Variants in CDH8 observed in about 807,000 individuals in gnomAD.
The protein encoded by CDH8 is cadherin 8, also known as cadherin-8.
CDH8 carries 17 observed loss-of-function variants against 68.1 expected under a neutral mutation model. The ratio of observed to expected loss-of-function variants is 0.25; its 90% CI spans 0.17 to 0.37. The LOEUF (loss-of-function observed/expected upper bound fraction) is 0.37. Ranked by LOEUF, CDH8 falls within the 10% of genes least tolerant of loss-of-function variation. The pLI, the probability that CDH8 is intolerant of heterozygous loss-of-function variation, is 1.00. For missense variants in CDH8, 763 were observed against 999.3 expected, an observed-to-expected ratio of 0.76 and a Z score of 3.19; for synonymous variants, 372 against 365.1, an observed-to-expected ratio of 1.02 and a Z score of -0.21.
chr16:61,919,685 C>G (rs1190985260), intron 2 of CDH8, among the ~76,000 whole-genome samples: 1 of 151,884 alleles, frequency 6.6e-6, no homozygotes, highest in Non-Finnish European at 1.5e-5. Context: ...AAATCTACAT[C>G]TGATTGGTGT....
At chr16:61,845,694 C>T (rs988292624) in intron 4 of CDH8, among the ~76,000 whole-genome samples, 1 of 152,020 alleles carries the variant, frequency 6.6e-6, no homozygotes, top group African/African-American at 2.4e-5. Context: ...GCAAATTACA[C>T]ATAATCACAA....
At chr16:61,795,280 G>A (rs1280016471) in intron 7 of CDH8, among the ~76,000 whole-genome samples, 1 of 151,936 alleles carries the variant, frequency 6.6e-6, no homozygotes, top group African/African-American at 2.4e-5. Context: ...CATGATTTGA[G>A]GTAGAAATCT....
intron 4 of CDH8, among the ~76,000 whole-genome samples, chr16:61,850,814 C>A (rs1962923299): frequency 6.6e-6 from 1 of 152,006 alleles, no homozygotes; most frequent in African/African-American, 2.4e-5. Context: ...GCTCTTCATA[C>A]ATGTTTGCTA....
At chr16:61,789,279 ACGTT>A in intron 8 of CDH8, 63 bp downstream of exon 8, 1 of 1,441,600 alleles carries the variant, frequency 6.9e-7, no homozygotes. Flanking sequence ...GCTGCTTATC[ACGTT>A]ATTAATAAGC....
At chr16:61,789,602 A>G (rs983601060) in intron 7 of CDH8, 120 bp from the exon 8 acceptor site, 1 of 894,354 alleles carries the variant, frequency 1.1e-6, no homozygotes, top group Non-Finnish European at 1.6e-6. Context: ...TGGGAAACTC[A>G]GTGGCATCAT....
chr16:61,907,238 T>A (rs1964076486), intron 2 of CDH8, among the ~76,000 whole-genome samples: 1 of 152,186 alleles, frequency 6.6e-6, no homozygotes, highest in South Asian at 2.1e-4. Flanking sequence ...CCACTCTGCC[T>A]ACCTCTTCCT....
At chr16:61,923,292 CG>C (rs1964402428) in intron 2 of CDH8, among the ~76,000 whole-genome samples, 1 of 152,084 alleles carries the variant, frequency 6.6e-6, no homozygotes, top group Non-Finnish European at 1.5e-5. Flanking sequence ...ATTCCACCGT[CG>C]GTCAGACACT....
intron 8 of CDH8, among the ~76,000 whole-genome samples, chr16:61,759,551 T>A (rs550367399): frequency 6.6e-6 from 1 of 152,248 alleles, no homozygotes; most frequent in Non-Finnish European, 1.5e-5. Flanking sequence ...TGGATACTCA[T>A]CAAGGAACTA....
chr16:61,856,880 G>GA (rs1360501906), intron 4 of CDH8, among the ~76,000 whole-genome samples: 2 of 152,098 alleles, frequency 1.3e-5, no homozygotes, highest in African/African-American at 2.4e-5. Context: ...ATTCCAGGAT[G>GA]AAAAATGGTG....
intron 10 of CDH8, among the ~76,000 whole-genome samples, chr16:61,682,561 A>C (rs1320143392): frequency 6.6e-6 from 1 of 151,892 alleles, no homozygotes; most frequent in Non-Finnish European, 1.5e-5. Context: ...TCCCTCTTAT[A>C]GTATCTCCAA....
intron 2 of CDH8, among the ~76,000 whole-genome samples, chr16:62,008,121 G>T (rs752303788): frequency 6.6e-6 from 1 of 151,918 alleles, no homozygotes; most frequent in Non-Finnish European, 1.5e-5. Flanking sequence ...ATATTTTGTA[G>T]AGCTGGGGTC....
intron 10 of CDH8, among the ~76,000 whole-genome samples, chr16:61,668,703 G>A (rs570725849): frequency 4.7e-5 from 7 of 150,248 alleles, no homozygotes; most frequent in Non-Finnish European, 8.9e-5. Flanking sequence ...AAGGCCTTTA[G>A]TGGAATTTCT....
At chr16:61,852,064 A>G (rs1336054726) in intron 4 of CDH8, among the ~76,000 whole-genome samples, 2 of 152,106 alleles carry the variant, frequency 1.3e-5, no homozygotes, top group Admixed American at 1.3e-4. Context: ...TATTGTGTGG[A>G]AAAAATTAAA....
At chr16:61,902,576 CAA>C (rs74868190) in intron 2 of CDH8, among the ~76,000 whole-genome samples, 22 of 93,064 alleles carry the variant, frequency 2.4e-4, no homozygotes, top group East Asian at 1.6e-3. Flanking sequence ...ATATTTGTTC[CAA>C]AAAAAAAAAA....
chr16:61,832,497 A>G (rs1962482356), intron 4 of CDH8, among the ~76,000 whole-genome samples: 1 of 151,790 alleles, frequency 6.6e-6, no homozygotes, highest in South Asian at 2.1e-4. Context: ...TTCTAAAAAT[A>G]TAACAACCCA....
intron 8 of CDH8, 66 bp from the exon 9 acceptor site, chr16:61,727,281 T>A: frequency 6.7e-7 from 1 of 1,490,830 alleles, no homozygotes; most frequent in Non-Finnish European, 9.1e-7. Flanking sequence ...CTCAACTTTC[T>A]CTTGAAAGCA....
intron 8 of CDH8, among the ~76,000 whole-genome samples, chr16:61,778,269 G>A (rs1046680915): frequency 4.6e-5 from 7 of 152,056 alleles, no homozygotes; most frequent in African/African-American, 1.7e-4. Context: ...ATAGGCAATA[G>A]AGACAGATGG....
chr16:61,789,357 G>C lies in CDH8; in HGVS notation c.1403C>G (p.Ala468Gly), dbSNP rs1961322626. 6.2e-7 allele frequency: 1 copy of C among 1,609,988 alleles called. No homozygotes were observed. The highest frequency in any genetic ancestry group is 1.3e-5 in the African/African-American group (1 of 74,566). The change falls in exon 8 of 12, where the codon GCT becomes GGT. Residue 468 changes from alanine to glycine, a missense_variant. By Grantham distance (60) the Ala-to-Gly change is moderately conservative. Coordinates refer to ENST00000577390, the MANE Select transcript of CDH8 (RefSeq NM_001796.5). The stretch of plus-strand genomic sequence containing the variant: ...ATCCAGGCACTTACTAATTTCAGTA[G>C]CAATGATTGTTATGTTGTGCCATAC... ...LSVWHNITIIATEIRNHSQIS... is the reference protein window; with the variant it reads ...LSVWHNITIIGTEIRNHSQIS...
At chr16:61,995,082 C>A (rs1965787135) in intron 2 of CDH8, among the ~76,000 whole-genome samples, 1 of 152,138 alleles carries the variant, frequency 6.6e-6, no homozygotes, top group Non-Finnish European at 1.5e-5. Context: ...TGTCTTGTTC[C>A]TAGCCAAGGT....
Sources: allele counts gnomAD v4.1 joint callset (sites outside exome capture counted in the v4.1 genomes callset), GRCh38; gene constraint gnomAD v4.1.1; transcripts MANE v1.5; gene names NCBI Gene and HGNC (gene_info 2026-07-23, HGNC 2026-07-21).